CSMD1: variants seen among roughly 807,000 people sequenced by gnomAD.
The protein encoded by CSMD1 is CUB and sushi domain-containing protein 1.
Under a neutral mutation model 417.5 loss-of-function variants are expected in CSMD1, and 213 were observed. The ratio of observed to expected loss-of-function variants is 0.51; its 90% confidence interval spans 0.46 to 0.57. The LOEUF (loss-of-function observed/expected upper bound fraction) is 0.57. Among genes scored for constraint, CSMD1 ranks in the 20% least tolerant of loss-of-function variants. The pLI, the probability that CSMD1 is intolerant of heterozygous loss-of-function variation, is 0.00. For synonymous variants in CSMD1, 2,862 were observed against 1,736.8 expected (o/e 1.65, Z -16.11); for missense variants, 6,923 against 4,529.7 (o/e 1.53, Z -15.17).
chr8:4,184,095 A>T (rs966702325), intron 3 of CSMD1, among the ~76,000 whole-genome samples: 1 of 152,240 alleles, frequency 6.6e-6, no homozygotes, highest in South Asian at 2.1e-4. Context: ...TGAAAACTAC[A>T]TTTTAGGAAT....
At chr8:3,739,013 G>T (rs958354115) in intron 6 of CSMD1, among the ~76,000 whole-genome samples, 1 of 152,122 alleles carries the variant, frequency 6.6e-6, no homozygotes, top group African/African-American at 2.4e-5. Context: ...TTGTTATATT[G>T]TAACTATGTC....
chr8:3,880,687 G>A (rs867603385), intron 5 of CSMD1, among the ~76,000 whole-genome samples: 2 of 152,054 alleles, frequency 1.3e-5, no homozygotes, highest in African/African-American at 2.4e-5. Flanking sequence ...CTTTGCACAC[G>A]TTTCCCAAAT....
At chr8:4,986,826 T>C (rs1196308967) in intron 1 of CSMD1, among the ~76,000 whole-genome samples, 3 of 152,174 alleles carry the variant, frequency 2.0e-5, no homozygotes, top group Non-Finnish European at 4.4e-5. Flanking sequence ...CATAGTATAG[T>C]ATATTCTTCA....
At chr8:3,696,290 G>T (rs1440507248) in intron 7 of CSMD1, among the ~76,000 whole-genome samples, 1 of 152,146 alleles carries the variant, frequency 6.6e-6, no homozygotes, top group East Asian at 1.9e-4. Flanking sequence ...AATATGCAGT[G>T]CATGCAAAAT....
At chr8:3,945,239 G>C (rs1451690804) in intron 5 of CSMD1, among the ~76,000 whole-genome samples, 5 of 148,538 alleles carry the variant, frequency 3.4e-5, no homozygotes, top group African/African-American at 9.9e-5. Context: ...CTTTAGACGT[G>C]AAAAATTAAT....
intron 8 of CSMD1, among the ~76,000 whole-genome samples, chr8:3,604,858 C>A (rs561689561): frequency 6.6e-6 from 1 of 152,228 alleles, no homozygotes; most frequent in South Asian, 2.1e-4. Flanking sequence ...ATCTAGGGGG[C>A]TCTAGCTACC....
At chr8:4,756,414 G>GT (rs1811671476) in intron 1 of CSMD1, among the ~76,000 whole-genome samples, 1 of 152,124 alleles carries the variant, frequency 6.6e-6, no homozygotes, top group South Asian at 2.1e-4. Flanking sequence ...AAGAACAGTG[G>GT]TGAGTTCATC....
At chr8:3,315,814 A>G (rs888487243) in intron 23 of CSMD1, among the ~76,000 whole-genome samples, 1 of 152,194 alleles carries the variant, frequency 6.6e-6, no homozygotes, top group Non-Finnish European at 1.5e-5. Flanking sequence ...GCAAACTTTT[A>G]ATAAATCATA....
chr8:3,705,692 A>G (rs78817732), intron 7 of CSMD1, among the ~76,000 whole-genome samples: 2 of 152,214 alleles, frequency 1.3e-5, no homozygotes, highest in Non-Finnish European at 2.9e-5. Context: ...TATCCGCAAC[A>G]AAACCCTTAG....
At chr8:2,946,564 C>G (rs1802253498) in intron 68 of CSMD1, among the ~76,000 whole-genome samples, 1 of 152,142 alleles carries the variant, frequency 6.6e-6, no homozygotes, top group African/African-American at 2.4e-5. Flanking sequence ...TAGGATTCTT[C>G]AATACTTTAT....
At chr8:4,821,773 G>C (rs1799539171) in intron 1 of CSMD1, among the ~76,000 whole-genome samples, 1 of 151,994 alleles carries the variant, frequency 6.6e-6, no homozygotes, top group Admixed American at 6.6e-5. Context: ...ACACTATATT[G>C]ATGTTACAAC....
chr8:4,023,546 C>T (rs375921737), intron 4 of CSMD1, among the ~76,000 whole-genome samples: 2 of 151,340 alleles, frequency 1.3e-5, no homozygotes, highest in Non-Finnish European at 2.9e-5. Context: ...GCAATATTCA[C>T]GCACTTACCA....
chr8:4,019,174 C>T (rs944716773), intron 4 of CSMD1, among the ~76,000 whole-genome samples: 8 of 152,142 alleles, frequency 5.3e-5, no homozygotes, highest in Non-Finnish European at 8.8e-5. Flanking sequence ...AAAAGCAGCT[C>T]AACAGTCCAA....
intron 50 of CSMD1, among the ~76,000 whole-genome samples, chr8:3,041,980 G>C (rs73488411): frequency 6.6e-6 from 1 of 152,072 alleles, no homozygotes; most frequent in Admixed American, 6.5e-5. Flanking sequence ...TTCATCTCTG[G>C]GAAACATCAG....
rs1239331001 is a variant in CSMD1 at position 3,288,238 on chromosome 8, C to T, written c.3951-3892G>A. Among the ~76,000 whole-genome samples the T allele has an allele frequency of 1.4e-5, 2 of 147,186 alleles. 1 individual carries two copies. The highest frequency in any genetic ancestry group is 5.4e-5 in the African/African-American group (2 of 37,000). On this transcript the variant is annotated intron_variant, in intron 25 of 69. Coordinates refer to ENST00000635120, the MANE Select transcript of CSMD1 (RefSeq NM_033225.6). ...TATTGAGGATTTTTGCATCGATGTT[C>T]ATCAGGGATATTGGTCTAAAGTTCT...
chr8:3,824,142 G>T (rs751197884), intron 5 of CSMD1, among the ~76,000 whole-genome samples: 1 of 151,868 alleles, frequency 6.6e-6, no homozygotes, highest in Non-Finnish European at 1.5e-5. Flanking sequence ...TCATTCACCA[G>T]CCGAGTCAAA....
intron 1 of CSMD1, among the ~76,000 whole-genome samples, chr8:4,825,226 T>C (rs1563507009): frequency 6.6e-6 from 1 of 152,130 alleles, no homozygotes; most frequent in Non-Finnish European, 1.5e-5. Flanking sequence ...GCACGTTTAA[T>C]ATACATACTT....
chr8:3,355,674 A>T (rs2117687874), intron 21 of CSMD1, among the ~76,000 whole-genome samples: 1 of 152,290 alleles, frequency 6.6e-6, no homozygotes, highest in South Asian at 2.1e-4. Flanking sequence ...CAGACTGGCA[A>T]AACTGAGAGA....
chr8:4,502,193 A>G (rs1377068380), intron 2 of CSMD1, among the ~76,000 whole-genome samples: 1 of 152,110 alleles, frequency 6.6e-6, no homozygotes, highest in Non-Finnish European at 1.5e-5. Flanking sequence ...TTATGAACAG[A>G]AACATTTTTT....
Sources: gnomAD v4.1 joint callset for allele counts (sites outside exome capture counted in the v4.1 genomes callset) on GRCh38, gnomAD v4.1.1 for gene constraint, MANE v1.5 for transcripts, NCBI Gene and HGNC (gene_info 2026-07-23, HGNC 2026-07-21) for gene names.